FIGN: variants seen among roughly 807,000 people sequenced by gnomAD.
The protein encoded by FIGN is fidgetin, microtubule severing factor, also known as fidgetin.
A neutral mutation model predicts 51.3 loss-of-function variants in FIGN; 11 were observed. The observed-to-expected ratio is 0.21, with a 90% CI of 0.13 to 0.35. FIGN has a LOEUF of 0.35. Among genes scored for constraint, FIGN ranks in the 10% least tolerant of loss-of-function variants. FIGN has a pLI of 1.00. For missense variants in FIGN, 857 were observed against 943.6 expected (o/e 0.91, Z 1.20); for synonymous variants, 407 against 363.2 (o/e 1.12, Z -1.37).
Position 163,708,628 on chromosome 2 carries a change from CT to C in FIGN, c.25+26274del, listed in dbSNP as rs1684538316. ...GTCAGTAGTAATTAAAATATTGTTT[CT>C]GTCTTTTAAAAAGTTTCAAATGCTT... On this transcript the variant is annotated intron_variant, in intron 2 of 2. Transcript: ENST00000333129. Among the ~76,000 whole-genome samples, 3 of 152,246 alleles carry C rather than the reference CT, an allele frequency of 2.0e-5. No homozygotes were observed. In the South Asian group the frequency reaches 6.2e-4, roughly 32 times the overall value.
intron 2 of FIGN, among the ~76,000 whole-genome samples, chr2:163,679,158 A>G (rs1684018314): frequency 6.6e-6 from 1 of 152,148 alleles, no homozygotes; most frequent in Non-Finnish European, 1.5e-5. Context: ...CAAATCAGTT[A>G]CTGGCTCTTA....
At chr2:163,662,010 G>T (rs768674665) in intron 2 of FIGN, among the ~76,000 whole-genome samples, 26 of 152,348 alleles carry the variant, frequency 1.7e-4, no homozygotes, top group Middle Eastern at 6.8e-3. Context: ...AAATGTGGAA[G>T]TGACTTTGGA....
rs545804600 is a variant in FIGN at position 163,602,689 on chromosome 2, C to T, written c.*6863G>A. On this transcript the variant is annotated 3_prime_UTR_variant, in exon 3 of 3. Transcript: ENST00000333129. Reference sequence around the variant, plus strand: ...TCCATGATAGTAGCATAGCCATATACAACAAATTTTACAATAGAGAAAACT... The same window carrying T: ...TCCATGATAGTAGCATAGCCATATATAACAAATTTTACAATAGAGAAAACT... The T allele has an allele frequency of 6.6e-6, 1 of 151,992 alleles. No individual in the cohort carries two copies. The highest frequency in any genetic ancestry group is 6.6e-5 in the Admixed American group (1 of 15,228). 9.4% of individuals were successfully genotyped at this position (151,992 alleles called of 1,614,324 possible).
At chr2:163,649,913 A>G (rs1432463446) in intron 2 of FIGN, among the ~76,000 whole-genome samples, 3 of 152,208 alleles carry the variant, frequency 2.0e-5, no homozygotes, top group Non-Finnish European at 4.4e-5. Flanking sequence ...TTAAACCTCA[A>G]CATTACACTG....
At chr2:163,704,232 G>A (rs767710305) in intron 2 of FIGN, among the ~76,000 whole-genome samples, 1 of 152,072 alleles carries the variant, frequency 6.6e-6, no homozygotes, top group Non-Finnish European at 1.5e-5. Flanking sequence ...TTTAGATAGA[G>A]CTTTCCCCTC....
intron 2 of FIGN, among the ~76,000 whole-genome samples, chr2:163,680,736 C>A (rs1037157766): frequency 6.6e-6 from 1 of 152,090 alleles, no homozygotes; most frequent in East Asian, 1.9e-4. Flanking sequence ...GAGCTTCATG[C>A]AGCCTCTTTG....
chr2:163,639,793 A>C (rs564965391), intron 2 of FIGN, among the ~76,000 whole-genome samples: 1 of 152,296 alleles, frequency 6.6e-6, no homozygotes, highest in Non-Finnish European at 1.5e-5. Flanking sequence ...TAAATTCCCC[A>C]AGGAAGACTA....
intron 2 of FIGN, chr2:163,612,374 C>A: frequency 3.0e-6 from 3 of 985,316 alleles, no homozygotes; most frequent in Non-Finnish European, 3.6e-6. Flanking sequence ...GTATAATGCT[C>A]CCTGCGCAGA....
At chr2:163,646,565 T>G (rs928160386) in intron 2 of FIGN, among the ~76,000 whole-genome samples, 1 of 152,222 alleles carries the variant, frequency 6.6e-6, no homozygotes, top group African/African-American at 2.4e-5. Context: ...AGCTATATGC[T>G]CTTTCAGTGA....
intron 2 of FIGN, among the ~76,000 whole-genome samples, chr2:163,686,777 T>TACAC (rs151050116): frequency 0.063 from 9,215 of 146,220 alleles, 347 homozygotes; most frequent in African/African-American, 0.1. Context: ...TATATACACA[T>TACAC]ACACACACAC....
chr2:163,672,437 T>C (rs1228357439), intron 2 of FIGN, among the ~76,000 whole-genome samples: 1 of 152,106 alleles, frequency 6.6e-6, no homozygotes, highest in African/African-American at 2.4e-5. Flanking sequence ...TAAGAATCTA[T>C]GAGAAAGGCT....
intron 2 of FIGN, among the ~76,000 whole-genome samples, chr2:163,613,020 A>T (rs1488620914): frequency 6.6e-6 from 1 of 152,172 alleles, no homozygotes; most frequent in Admixed American, 6.5e-5. Flanking sequence ...TTAAGAAAAA[A>T]ATACTAAGCA....
chr2:163,622,230 G>A (rs753694268), intron 2 of FIGN, among the ~76,000 whole-genome samples: 77 of 152,084 alleles, frequency 5.1e-4, no homozygotes, highest in Non-Finnish European at 4.6e-4. Flanking sequence ...TGCTACTGGG[G>A]ACGCTGAGGC....
At chr2:163,616,890 A>G (rs1019737302) in intron 2 of FIGN, among the ~76,000 whole-genome samples, 2 of 152,106 alleles carry the variant, frequency 1.3e-5, no homozygotes, top group Admixed American at 6.6e-5. Context: ...AAAGTAGAAA[A>G]TTCATTGGCT....
chr2:163,648,049 A>G (rs1683410340), intron 2 of FIGN, among the ~76,000 whole-genome samples: 1 of 152,124 alleles, frequency 6.6e-6, no homozygotes, highest in Non-Finnish European at 1.5e-5. Context: ...AGCAGGCAGA[A>G]AGAAAGACAC....
intron 2 of FIGN, among the ~76,000 whole-genome samples, chr2:163,732,076 C>T (rs1166161967): frequency 1.3e-5 from 2 of 152,184 alleles, no homozygotes; most frequent in Non-Finnish European, 2.9e-5. Context: ...CAGGCTGCTT[C>T]TAACTGCTTT....
At position 163,603,538 on chromosome 2, in the gene FIGN, C is replaced by A. The variant is rs1301880460; in HGVS notation, c.*6014G>T. The A allele has an allele frequency of 6.6e-6, 1 of 152,126 alleles. No homozygotes were observed. The highest frequency in any genetic ancestry group is 6.6e-5 in the Admixed American group (1 of 15,250). The allele number at this position is 152,126 out of a possible 1,614,324, so 9.4% of individuals were successfully genotyped here. ...ACAAATAAAACAAAACAAAAACCCT[C>A]TCTTAATCACTACTAGACAGCCTCT... On this transcript the variant is annotated 3_prime_UTR_variant, in exon 3 of 3. Coordinates refer to ENST00000333129, the MANE Select transcript of FIGN (RefSeq NM_018086.4).
rs752565413 is a variant in FIGN, at chr2:163,611,806, C to T, written c.26G>A (p.Gly9Asp). The part of the protein sequence containing the change: MISSTSVY[G>D]LKMQWTPEHA... ...CTCTGGCGTCCACTGCATCTTCAAGCCTAAGAATTTTGGGGGGAAAAGAGT... is the reference window on the plus strand; with the variant it reads ...CTCTGGCGTCCACTGCATCTTCAAGTCTAAGAATTTTGGGGGGAAAAGAGT... Residue 9 changes from glycine to aspartate, a missense_variant and splice_region_variant, in exon 3 of 3, where the codon GGC becomes GAC. Gly to Asp is a moderately conservative substitution (Grantham distance 94, BLOSUM62 -1). Around this residue, in one of 3 missense-constraint regions of FIGN, gnomAD observed 56 missense variants for 75.3 expected, o/e 0.74. Transcript: ENST00000333129. 2 of 1,588,698 alleles carry T rather than the reference C, an allele frequency of 1.3e-6. No homozygotes were observed. Among genetic ancestry groups the T allele is most frequent in the South Asian group, 2.2e-5 (2 of 89,660 alleles).
chr2:163,683,515 A>G (rs766662997), intron 2 of FIGN, among the ~76,000 whole-genome samples: 3 of 152,216 alleles, frequency 2.0e-5, no homozygotes, highest in Non-Finnish European at 4.4e-5. Flanking sequence ...GAATCTGCAG[A>G]ACTTGGTAAG....
Sources: gnomAD v4.1 joint callset for allele counts (sites outside exome capture counted in the v4.1 genomes callset) on GRCh38, gnomAD v4.1.1 for gene constraint, gnomAD v4.1.1 regional missense constraint, MANE v1.5 for transcripts, NCBI Gene and HGNC (gene_info 2026-07-23, HGNC 2026-07-21) for gene names.